Variants in IRAK1BP1 observed in about 807,000 individuals in gnomAD.
The protein encoded by IRAK1BP1 is interleukin-1 receptor-associated kinase 1-binding protein 1.
In IRAK1BP1, 24 loss-of-function variants were observed where a neutral mutation model predicts 28.0. The observed-to-expected ratio is 0.86, with a 90% CI of 0.62 to 1.20. The LOEUF (loss-of-function observed/expected upper bound fraction) is 1.20, where lower values mean the gene tolerates loss of function less well. Among genes scored for constraint, IRAK1BP1 ranks in the 50% most tolerant of loss-of-function variants. The pLI is 0.00. For synonymous variants in IRAK1BP1, 131 were observed against 116.3 expected (o/e 1.13, Z -0.81); for missense variants, 336 against 316.7 (o/e 1.06, Z -0.46).
At chr6:78,878,551 G>T (rs539274491) in intron 1 of IRAK1BP1, among the ~76,000 whole-genome samples, 2 of 152,286 alleles carry the variant, frequency 1.3e-5, no homozygotes, top group Admixed American at 1.3e-4. Flanking sequence ...AGAAACCAGA[G>T]CAGAAAAGCT....
chr6:78,921,401 T>G (rs1772722999), intron 4 of IRAK1BP1, among the ~76,000 whole-genome samples: 1 of 152,138 alleles, frequency 6.6e-6, no homozygotes, highest in African/African-American at 2.4e-5. Context: ...TTGCCAAGGC[T>G]TCAATAGGTA....
chr6:78,903,627 A>G (rs190553710), downstream of IRAK1BP1, among the ~76,000 whole-genome samples: 98 of 152,176 alleles, frequency 6.4e-4, 1 homozygote, highest in South Asian at 8.1e-3. Flanking sequence ...CTAATCTAAA[A>G]TGATCCTGAA....
rs2127677234 is a variant in IRAK1BP1 at position 78,940,737 on chromosome 6, G to A, written c.*68-4671G>A. The A allele has an allele frequency of 6.2e-7, 1 of 1,612,218 alleles. No individual in the cohort carries two copies. Among genetic ancestry groups the A allele is most frequent in the Non-Finnish European group, 8.5e-7 (1 of 1,179,176 alleles). ...GCTTTTGCTTTTTCAGTCAACTTTC[G>A]GACTCGTCCTCTACTAGAAGTTCCA... On this transcript the variant is annotated intron_variant and NMD_transcript_variant, in intron 4 of 4. Transcript: ENST00000606868.
the IRAK1BP1 span, among the ~76,000 whole-genome samples, chr6:78,975,978 C>T: frequency 6.6e-6 from 1 of 151,556 alleles, no homozygotes; most frequent in Non-Finnish European, 1.5e-5. Context: ...CAATGCCATC[C>T]CCATCAAGCT....
At position 78,902,932 on chromosome 6, in the gene IRAK1BP1, T is replaced by C; in HGVS notation, c.*4598T>C. 1.2e-6 allele frequency: 1 copy of C among 835,126 alleles called. No homozygotes were observed. The allele number at this position is 835,126 out of a possible 1,614,324, so 51.7% of individuals were successfully genotyped here. The stretch of plus-strand genomic sequence containing the variant: ...AAATCTTTCAAGAAGGATTGTTTTC[T>C]ACTATTAAAACAATAAAACTCTTAT... On this transcript the variant is annotated 3_prime_UTR_variant, in exon 4 of 4. Transcript: ENST00000369940.
At chr6:78,881,856 A>G (rs1771242004) in intron 1 of IRAK1BP1, among the ~76,000 whole-genome samples, 1 of 152,164 alleles carries the variant, frequency 6.6e-6, no homozygotes, top group African/African-American at 2.4e-5. Flanking sequence ...TCACTATCAG[A>G]GAGGGAAGTT....
At chr6:78,921,557 G>C (rs962675537) in intron 4 of IRAK1BP1, among the ~76,000 whole-genome samples, 1 of 152,202 alleles carries the variant, frequency 6.6e-6, no homozygotes, top group African/African-American at 2.4e-5. Context: ...GTCCCTGTCT[G>C]ACACCTTTGA....
chr6:78,872,249 T>C lies in IRAK1BP1; in HGVS notation c.315+4358T>C. 1.0e-5 allele frequency: 6 copies of C among 576,298 alleles called. No homozygotes were observed. The East Asian group carries it at 1.9e-4, about 18-fold the overall frequency. 35.7% of individuals were successfully genotyped at this position (576,298 alleles called of 1,614,324 possible). A position where few individuals can be genotyped will look rare whatever the true frequency, so the allele number is the denominator to read the frequency against. On this transcript the variant is annotated intron_variant, in intron 1 of 3. Coordinates refer to ENST00000369940, the MANE Select transcript of IRAK1BP1 (RefSeq NM_001010844.4). ...TAGTGCCTTTCTTTCCTTATCTGTC[T>C]TGCATCCCACTCTGTTAATGGTGTT...
intron 4 of IRAK1BP1, among the ~76,000 whole-genome samples, chr6:78,915,603 T>C (rs1383924284): frequency 6.6e-6 from 1 of 152,132 alleles, no homozygotes; most frequent in Admixed American, 6.5e-5. Flanking sequence ...CCTGTGATGA[T>C]CAAATTTGGC....
At chr6:78,955,651 A>G in the IRAK1BP1 span, 2 of 1,097,286 alleles carry the variant, frequency 1.8e-6, no homozygotes, top group East Asian at 2.4e-5. Context: ...ATTGAATTAT[A>G]AAGTGGAATT....
At chr6:78,887,319 C>T (rs987053597) in intron 2 of IRAK1BP1, among the ~76,000 whole-genome samples, 1 of 152,050 alleles carries the variant, frequency 6.6e-6, no homozygotes, top group Non-Finnish European at 1.5e-5. Context: ...ACATACAAAT[C>T]AAAACTACAT....
intron 2 of IRAK1BP1, among the ~76,000 whole-genome samples, chr6:78,889,141 AAG>A (rs1245779809): frequency 5.3e-5 from 8 of 150,948 alleles, no homozygotes; most frequent in African/African-American, 1.9e-4. Context: ...AAAAGAAAGA[AAG>A]AAAGATTAGA....
chr6:78,881,307 C>G (rs542213502), intron 1 of IRAK1BP1, among the ~76,000 whole-genome samples: 36 of 152,132 alleles, frequency 2.4e-4, no homozygotes, highest in South Asian at 6.2e-4. Context: ...ATATGATCTT[C>G]TGGAGAAAAG....
At chr6:78,947,815 C>G (rs375775755), downstream of IRAK1BP1, 40 of 1,400,696 alleles carry the variant, frequency 2.9e-5, no homozygotes, top group Middle Eastern at 5.3e-4. Flanking sequence ...ATTATTACTA[C>G]ACAAAGCATC....
At chr6:78,937,161 A>G (rs1319640426) in intron 4 of IRAK1BP1, 1 of 151,756 alleles carries the variant, frequency 6.6e-6, no homozygotes, top group Admixed American at 6.6e-5. Context: ...CCTACTCAAA[A>G]ATAAATTTCA....
rs138665682 is a variant in IRAK1BP1 at position 78,867,728 on chromosome 6, G to T, written c.152G>T (p.Arg51Leu). The change falls in exon 1 of 4, where the codon CGC (arginine) becomes CTC (leucine). Residue 51 changes from arginine to leucine, a missense_variant. By Grantham distance (102) the Arg-to-Leu change is moderately radical. Transcript: ENST00000369940. ...LSSTQAQTAT[R>L]EVQVSGTSEV... ...TCAACACAAGCCCAAACTGCTACCC[G>T]CGAGGTGCAAGTAAGCGGCACCTCA... 3 of 1,614,218 alleles carry T rather than the reference G, an allele frequency of 1.9e-6. No individual in the cohort carries two copies.
the IRAK1BP1 span, among the ~76,000 whole-genome samples, chr6:78,971,734 G>A: frequency 6.6e-6 from 1 of 152,190 alleles, no homozygotes; most frequent in African/African-American, 2.4e-5. Flanking sequence ...GGGAGTCAGG[G>A]AGTTCCCTTT....
In IRAK1BP1 at chr6:78,898,121, T is replaced by C. The variant is rs1363026938; in HGVS notation, c.570T>C (p.Cys190=). Residue 190 remains cysteine (C), a synonymous_variant, in exon 4 of 4, where the codon TGT becomes TGC. Transcript: ENST00000369940. ...ENAWRKAQEV[C]NLVGQTLGKP... ...CGTGGCGCAAAGCTCAAGAAGTCTG[T>C]AACCTTGTTGGCCAAACCTTAGGAA... 3.1e-6 allele frequency: 5 copies of C among 1,613,960 alleles called. No individual in the cohort carries two copies. Among genetic ancestry groups the C allele is most frequent in the Middle Eastern group, 1.6e-4 (1 of 6,062 alleles).
Position 78,867,724 on chromosome 6 carries a change from A to T in IRAK1BP1, c.148A>T (p.Thr50Ser). ...PLSSTQAQTA[T>S]REVQVSGTSE... Reference sequence around the variant, plus strand: ...CTCCTCAACACAAGCCCAAACTGCTACCCGCGAGGTGCAAGTAAGCGGCAC... The same window carrying T: ...CTCCTCAACACAAGCCCAAACTGCTTCCCGCGAGGTGCAAGTAAGCGGCAC... Residue 50 changes from threonine (T) to serine (S), a missense_variant, in exon 1 of 4, where the codon ACC (threonine) becomes TCC (serine). By Grantham distance (58) the Thr-to-Ser change is moderately conservative. Transcript: ENST00000369940. 1 of 1,614,192 alleles carries T rather than the reference A, an allele frequency of 6.2e-7. No individual in the cohort carries two copies. The highest frequency in any genetic ancestry group is 8.5e-7 in the Non-Finnish European group (1 of 1,180,028).
Sources: gnomAD v4.1 joint callset for allele counts (sites outside exome capture counted in the v4.1 genomes callset) on GRCh38, gnomAD v4.1.1 for gene constraint, MANE v1.5 for transcripts, NCBI Gene and HGNC (gene_info 2026-07-23, HGNC 2026-07-21) for gene names.